Variants in HCN1 observed in about 807,000 individuals in gnomAD.
HCN1 encodes potassium/sodium hyperpolarization-activated cyclic nucleotide-gated channel 1.
A neutral mutation model predicts 78.9 loss-of-function variants in HCN1; 13 were observed. That is an observed-to-expected ratio of 0.16 (90% CI 0.11 to 0.26). The LOEUF (loss-of-function observed/expected upper bound fraction) is 0.26, where lower values mean the gene tolerates loss of function less well. Among genes scored for constraint, HCN1 ranks in the 10% least tolerant of loss-of-function variants. The pLI is 1.00. For missense variants in HCN1, 810 were observed against 1,154.3 expected (o/e 0.70, Z 4.32); for synonymous variants, 552 against 455.5 (o/e 1.21, Z -2.70).
At chr5:45,307,973 C>T (rs1281024003) in intron 5 of HCN1, among the ~76,000 whole-genome samples, 1 of 152,086 alleles carries the variant, frequency 6.6e-6, no homozygotes, top group Non-Finnish European at 1.5e-5. Flanking sequence ...CTTCATGTCT[C>T]ATGCTGGAAT....
At chr5:45,380,191 C>T (rs1169545475) in intron 4 of HCN1, among the ~76,000 whole-genome samples, 1 of 152,046 alleles carries the variant, frequency 6.6e-6, no homozygotes, top group South Asian at 2.1e-4. Flanking sequence ...CTGTTCTCTG[C>T]TTCCAAGATG....
At chr5:45,609,005 A>ATCT (rs1744780392) in intron 2 of HCN1, among the ~76,000 whole-genome samples, 1 of 152,096 alleles carries the variant, frequency 6.6e-6, no homozygotes, top group East Asian at 1.9e-4. Flanking sequence ...TAATCAGGGA[A>ATCT]ATGCAAATTC....
chr5:45,412,333 C>T (rs1020928373), intron 3 of HCN1, among the ~76,000 whole-genome samples: 1 of 151,988 alleles, frequency 6.6e-6, no homozygotes, highest in Non-Finnish European at 1.5e-5. Context: ...TATATCTACC[C>T]CAGGCTGGCC....
intron 6 of HCN1, among the ~76,000 whole-genome samples, chr5:45,282,466 G>GATAT (rs1745188515): frequency 6.6e-6 from 1 of 152,216 alleles, no homozygotes; most frequent in Non-Finnish European, 1.5e-5. Context: ...TGTCTAGCTA[G>GATAT]ATATAGTACA....
At chr5:45,626,627 G>A (rs1292597461) in intron 2 of HCN1, among the ~76,000 whole-genome samples, 1 of 152,096 alleles carries the variant, frequency 6.6e-6, no homozygotes, top group Non-Finnish European at 1.5e-5. Context: ...GATTGGGGAG[G>A]CAGAGAAAAC....
chr5:45,475,765 T>C (rs1412868064), intron 2 of HCN1, among the ~76,000 whole-genome samples: 1 of 152,160 alleles, frequency 6.6e-6, no homozygotes, highest in Non-Finnish European at 1.5e-5. Context: ...GAGAAGATAG[T>C]ATTTTATATT....
At chr5:45,361,545 C>T (rs187640366) in intron 4 of HCN1, among the ~76,000 whole-genome samples, 19 of 152,312 alleles carry the variant, frequency 1.2e-4, no homozygotes, top group Admixed American at 2.0e-4. Context: ...TTCCTGACTT[C>T]AGGTGATCCA....
chr5:45,352,991 T>G (rs2111982898), intron 5 of HCN1, 109 bp downstream of exon 5: 1 of 881,228 alleles, frequency 1.1e-6, no homozygotes, highest in African/African-American at 1.7e-5. Context: ...CAAAATATCT[T>G]AATAAGTTTA....
intron 5 of HCN1, among the ~76,000 whole-genome samples, chr5:45,320,616 T>A (rs1746105600): frequency 6.6e-6 from 1 of 151,818 alleles, no homozygotes; most frequent in African/African-American, 2.4e-5. Context: ...CCTGGCTTGC[T>A]ACTTTGGGAT....
Position 45,339,861 on chromosome 5 carries a change from T to G in HCN1, c.1377+13239A>C, listed in dbSNP as rs1264033501. On this transcript the variant is annotated intron_variant, in intron 5 of 7. Transcript: ENST00000303230. ...AGTGAAAAGTGGATATTTTTTCCAG[T>G]GAAGATCAGTGTAAATTATGGTGTG... 2.0e-5 allele frequency among the ~76,000 whole-genome samples: 3 copies of G among 152,178 alleles called. No homozygotes were observed. In the South Asian group the frequency reaches 6.2e-4, roughly 31 times the overall value.
chr5:45,308,309 C>T (rs1745778603), intron 5 of HCN1, among the ~76,000 whole-genome samples: 2 of 152,012 alleles, frequency 1.3e-5, no homozygotes, highest in Non-Finnish European at 2.9e-5. Context: ...ATAACTCAGT[C>T]TCAGGTATTC....
chr5:45,272,988 C>T (rs1447700265), intron 6 of HCN1, among the ~76,000 whole-genome samples: 1 of 152,034 alleles, frequency 6.6e-6, no homozygotes, highest in African/African-American at 2.4e-5. Flanking sequence ...TTTGTATACT[C>T]TCTGAGAGCT....
Position 45,262,681 on chromosome 5 carries a change from G to A in HCN1, c.1913C>T (p.Pro638Leu). 6.2e-7 allele frequency: 1 copy of A among 1,614,102 alleles called. No homozygotes were observed. The highest frequency in any genetic ancestry group is 8.5e-7 in the Non-Finnish European group (1 of 1,180,020). ...HDREMVQAIAPINYPQMTTLN... is the reference protein window; with the variant it reads ...HDREMVQAIALINYPQMTTLN... ...GGTTGTCATTTGAGGATAATTGATG[G>A]GAGCGATTGCCTGCACCATCTCCCT... is the stretch of plus-strand genomic sequence containing the variant. Residue 638 changes from proline to leucine, a missense_variant, in exon 8 of 8, where the codon CCC becomes CTC. Pro to Leu is a moderately conservative substitution (Grantham distance 98). Transcript: ENST00000303230.
intron 5 of HCN1, among the ~76,000 whole-genome samples, chr5:45,352,778 G>T (rs1212868026): frequency 3.3e-5 from 5 of 151,742 alleles, no homozygotes; most frequent in Non-Finnish European, 7.4e-5. Flanking sequence ...GGAAGAATAG[G>T]AATCAAAAAG....
At chr5:45,636,129 C>CTT (rs1303728017) in intron 2 of HCN1, among the ~76,000 whole-genome samples, 3 of 152,090 alleles carry the variant, frequency 2.0e-5, no homozygotes, top group Non-Finnish European at 4.4e-5. Context: ...CACTGTACCC[C>CTT]TTTCCAATGT....
chr5:45,559,993 A>G (rs1461114469), intron 2 of HCN1: 1 of 152,196 alleles, frequency 6.6e-6, no homozygotes, highest in East Asian at 1.9e-4. Flanking sequence ...AGGACTTGCT[A>G]AAAGTTTAAA....
At chr5:45,670,662 C>T (rs935152175) in intron 1 of HCN1, among the ~76,000 whole-genome samples, 2 of 151,682 alleles carry the variant, frequency 1.3e-5, no homozygotes, top group African/African-American at 4.8e-5. Flanking sequence ...CTCTAATATT[C>T]AATCTATATC....
chr5:45,623,036 C>T (rs1323625481), intron 2 of HCN1, among the ~76,000 whole-genome samples: 6 of 152,164 alleles, frequency 3.9e-5, no homozygotes, highest in African/African-American at 1.4e-4. Context: ...TCACTCAAAA[C>T]TCCACCAGCT....
At chr5:45,667,051 AG>A in intron 1 of HCN1, among the ~76,000 whole-genome samples, 1 of 152,132 alleles carries the variant, frequency 6.6e-6, no homozygotes, top group Admixed American at 6.6e-5. Flanking sequence ...TTGAAGGTAA[AG>A]TGAGAACTTA....
Sources: allele counts gnomAD v4.1 joint callset (sites outside exome capture counted in the v4.1 genomes callset), GRCh38; gene constraint gnomAD v4.1.1; transcripts MANE v1.5; gene names NCBI Gene and HGNC (gene_info 2026-07-23, HGNC 2026-07-21).